Variants in STAG1 observed in about 807,000 individuals in gnomAD.
STAG1 encodes the protein cohesin subunit SA-1.
In STAG1, 26 loss-of-function variants were observed where a neutral mutation model predicts 170.9. The ratio of observed to expected loss-of-function variants is 0.15; its 90% CI spans 0.11 to 0.21. STAG1 has a LOEUF of 0.21. STAG1 is among the 10% of genes least tolerant of loss of function. The pLI, the probability that STAG1 is intolerant of heterozygous loss-of-function variation, is 1.00. For missense variants in STAG1, 964 were observed against 1,509.5 expected, an observed-to-expected ratio of 0.64 and a Z score of 5.99; for synonymous variants, 514 against 497.7, an observed-to-expected ratio of 1.03 and a Z score of -0.44.
At chr3:136,364,707 A>T (rs1234631727) in intron 25 of STAG1, among the ~76,000 whole-genome samples, 1 of 152,152 alleles carries the variant, frequency 6.6e-6, no homozygotes, top group Non-Finnish European at 1.5e-5. Flanking sequence ...GATTTAAATA[A>T]TTTTTTCTGT....
At chr3:136,448,612 G>A (rs1272471926) in intron 14 of STAG1, among the ~76,000 whole-genome samples, 1 of 152,058 alleles carries the variant, frequency 6.6e-6, no homozygotes, top group South Asian at 2.1e-4. Flanking sequence ...GTGGGGACAG[G>A]GCCAAACCAT....
In STAG1 at chr3:136,472,429, C is replaced by G. The variant is rs201846240; in HGVS notation, c.1189G>C (p.Val397Leu). 111 of 1,611,152 alleles carry G rather than the reference C, an allele frequency of 6.9e-5. No homozygotes were observed. Among genetic ancestry groups the G allele is most frequent in the Non-Finnish European group, 1.4e-5 (16 of 1,178,174 alleles). Residue 397 changes from valine to leucine, a missense_variant, in exon 12 of 34, where the codon GTT becomes CTT. By Grantham distance (32) the Val-to-Leu change is conservative (BLOSUM62 1). This residue lies in a region of STAG1 where 162 missense variants were observed against 211.2 expected (regional missense o/e 0.77). Coordinates refer to ENST00000383202, the MANE Select transcript of STAG1 (RefSeq NM_005862.3). ...ATTACTTACTGAAGTATCAGAGTAA[C>G]CAATCGAATAGCTTCCACAGCAACA... ...YDVAVEAIRL[V>L]TLILHGSEEA...
At chr3:136,399,110 C>CA (rs921878218) in intron 21 of STAG1, among the ~76,000 whole-genome samples, 1 of 152,060 alleles carries the variant, frequency 6.6e-6, no homozygotes, top group Non-Finnish European at 1.5e-5. Flanking sequence ...TTTACTTAGT[C>CA]AAATTTTTAA....
chr3:136,650,867 G>A (rs1486951517), intron 1 of STAG1, among the ~76,000 whole-genome samples: 1 of 151,586 alleles, frequency 6.6e-6, no homozygotes, highest in Non-Finnish European at 1.5e-5. Context: ...CTAAAAAAGT[G>A]TCATTAAGAG....
At chr3:136,357,033 C>A (rs866673682) in intron 28 of STAG1, among the ~76,000 whole-genome samples, 1 of 151,804 alleles carries the variant, frequency 6.6e-6, no homozygotes, top group African/African-American at 2.4e-5. Context: ...CTGCAAGCTC[C>A]GCCTCCCAGG....
intron 1 of STAG1, among the ~76,000 whole-genome samples, chr3:136,658,918 C>T (rs1941481977): frequency 6.6e-6 from 1 of 152,166 alleles, no homozygotes; most frequent in South Asian, 2.1e-4. Flanking sequence ...CACAACCTCC[C>T]TTTTCACACC....
At chr3:136,444,954 G>C (rs1245995047) in intron 14 of STAG1, among the ~76,000 whole-genome samples, 1 of 151,804 alleles carries the variant, frequency 6.6e-6, no homozygotes, top group East Asian at 1.9e-4. Flanking sequence ...TTGACTTCCT[G>C]GGCTCAAGTG....
chr3:136,422,445 G>T lies in STAG1; in HGVS notation c.2002C>A (p.Arg668=). The change falls in exon 19 of 34, where the codon CGA becomes AGA. Residue 668 remains arginine, a synonymous_variant. Transcript: ENST00000383202. ...RSQLIDEFVD[R]FNHSVEDLLQ... is the part of the protein sequence containing the mutation. ...AGGTCTTCCACAGAATGATTGAATC[G>T]ATCTACAAACTCATCAATCAGCTGG... 1 of 1,613,844 alleles carries T rather than the reference G, an allele frequency of 6.2e-7. No individual in the cohort carries two copies.
chr3:136,362,250 C>T (rs758117816), intron 26 of STAG1, among the ~76,000 whole-genome samples: 3 of 151,900 alleles, frequency 2.0e-5, no homozygotes, highest in Non-Finnish European at 4.4e-5. Flanking sequence ...TGAGCCACTG[C>T]GTCCAGCCTA....
At chr3:136,682,756 T>C (rs1942381519) in intron 1 of STAG1, among the ~76,000 whole-genome samples, 1 of 152,092 alleles carries the variant, frequency 6.6e-6, no homozygotes, top group African/African-American at 2.4e-5. Context: ...GATCCAGCAA[T>C]TCCACTGCTG....
chr3:136,422,367 T>G, intron 19 of STAG1, 43 bp downstream of exon 19: 1 of 1,534,816 alleles, frequency 6.5e-7, no homozygotes, highest in Non-Finnish European at 9.0e-7. Flanking sequence ...TAAGTAATTC[T>G]CAGTCAATAT....
At chr3:136,355,977 A>T (rs781516222) in intron 28 of STAG1, among the ~76,000 whole-genome samples, 5 of 152,186 alleles carry the variant, frequency 3.3e-5, no homozygotes, top group Non-Finnish European at 5.9e-5. Flanking sequence ...AAAAGTTTTC[A>T]AACCACTCCC....
chr3:136,691,854 C>T (rs146577342), intron 1 of STAG1, among the ~76,000 whole-genome samples: 12 of 152,210 alleles, frequency 7.9e-5, no homozygotes, highest in African/African-American at 1.4e-4. Flanking sequence ...GGACAAGTCC[C>T]GGGGAAAACT....
At chr3:136,737,685 T>A (rs1934418927) in intron 1 of STAG1, among the ~76,000 whole-genome samples, 1 of 152,256 alleles carries the variant, frequency 6.6e-6, no homozygotes, top group Non-Finnish European at 1.5e-5. Context: ...CAGAATCTAT[T>A]CTAGGTAGCA....
intron 1 of STAG1, chr3:136,737,225 C>T: frequency 3.0e-6 from 2 of 659,726 alleles, no homozygotes; most frequent in Admixed American, 1.9e-5. Flanking sequence ...CCTGAAGCCG[C>T]CACTTCCCCA....
At chr3:136,485,046 T>G (rs2089978836) in intron 9 of STAG1, among the ~76,000 whole-genome samples, 1 of 152,222 alleles carries the variant, frequency 6.6e-6, no homozygotes, top group Non-Finnish European at 1.5e-5. Flanking sequence ...TCTGCGTCGC[T>G]CACGCTGGGA....
At chr3:136,428,753 C>A (rs968175337) in intron 16 of STAG1, among the ~76,000 whole-genome samples, 1 of 152,130 alleles carries the variant, frequency 6.6e-6, no homozygotes, top group African/African-American at 2.4e-5. Flanking sequence ...CAGAACCAAT[C>A]AAGAAAATCA....
chr3:136,704,821 CAAAAAAAAA>C (rs67207510), intron 1 of STAG1, among the ~76,000 whole-genome samples: 3 of 51,424 alleles, frequency 5.8e-5, no homozygotes, highest in Admixed American at 2.6e-4. Flanking sequence ...GTCCCTGTCT[CAAAAAAAAA>C]AAAAAAAAAA....
intron 9 of STAG1, among the ~76,000 whole-genome samples, chr3:136,488,110 T>C (rs2090052725): frequency 6.6e-6 from 1 of 152,198 alleles, no homozygotes; most frequent in Non-Finnish European, 1.5e-5. Context: ...CCATAGAAAT[T>C]ATGAGACAAA....
Sources: gnomAD v4.1 joint callset for allele counts (sites outside exome capture counted in the v4.1 genomes callset) on GRCh38, gnomAD v4.1.1 for gene constraint, gnomAD v4.1.1 regional missense constraint, MANE v1.5 for transcripts, NCBI Gene and HGNC (gene_info 2026-07-23, HGNC 2026-07-21) for gene names.